The following MTM1 variants were observed in gnomAD, a reference collection of about 807,000 sequenced individuals.
MTM1 encodes the protein myotubularin 1, also known as myotubularin.
A neutral mutation model predicts 52.1 loss-of-function variants in MTM1; 9 were observed. That is an observed-to-expected ratio of 0.17 (90% CI 0.10 to 0.30). MTM1 has a LOEUF of 0.30. Ranked by LOEUF, MTM1 falls within the 10% of genes least tolerant of loss-of-function variation. The pLI is 1.00. For synonymous variants in MTM1, 136 were observed against 163.8 expected (o/e 0.83, Z 1.29); for missense variants, 277 against 470.7 (o/e 0.59, Z 3.81).
chrX:150,625,925 A>G (rs1219361953), intron 6 of MTM1, among the ~76,000 whole-genome samples: 1 of 112,548 alleles, frequency 8.9e-6, no homozygotes, highest in Non-Finnish European at 1.9e-5. Flanking sequence ...TGCTGTGGAG[A>G]CCAGCAGCCT....
At chrX:150,594,612 T>C (rs1569565381) in intron 2 of MTM1, among the ~76,000 whole-genome samples, 2 of 112,228 alleles carry the variant, frequency 1.8e-5, no homozygotes, top group Admixed American at 9.4e-5. Context: ...TATATGTTTT[T>C]ATTGTATTTA....
At chrX:150,635,189 A>C (rs1335261242) in intron 6 of MTM1, among the ~76,000 whole-genome samples, 1 of 112,599 alleles carries the variant, frequency 8.9e-6, no homozygotes, top group African/African-American at 3.2e-5. Flanking sequence ...CTCTGTCCTA[A>C]GACTTTGCTC....
intron 10 of MTM1, among the ~76,000 whole-genome samples, chrX:150,655,796 C>G (rs1350034125): frequency 1.8e-5 from 2 of 111,749 alleles, no homozygotes; most frequent in Non-Finnish European, 3.8e-5. Context: ...TGCAGGTGTT[C>G]TACAACTACA....
At position 150,592,674 on chromosome X, in the gene MTM1, G is replaced by A; in HGVS notation, c.60G>A (p.Lys20=). 8.8e-7 allele frequency: 1 copy of A among 1,142,393 alleles called. No individual in the cohort carries two copies. The highest frequency in any genetic ancestry group is 3.0e-5 in the East Asian group (1 of 33,592). 94.1% of individuals were successfully genotyped at this position (1,142,393 alleles called of 1,213,427 possible). A position where few individuals can be genotyped will look rare whatever the true frequency, so the allele number is the denominator to read the frequency against. ...ACTCCTTGGAGAATGAGTCTATTAA[G>A]AGGGTAAGTTGAATTTTCAGATTTA... ...NSHSLENESI[K]RTSRDGVNRD... The change falls in exon 2 of 15, where the codon AAG becomes AAA. Residue 20 remains lysine, a synonymous_variant. Coordinates refer to ENST00000370396, the MANE Select transcript of MTM1 (RefSeq NM_000252.3).
intron 14 of MTM1, among the ~76,000 whole-genome samples, chrX:150,666,405 A>G (rs1360417871): frequency 8.9e-6 from 1 of 112,628 alleles, no homozygotes; most frequent in Non-Finnish European, 1.9e-5. Flanking sequence ...TTCTGATGAT[A>G]CAGTCATGCC....
intron 6 of MTM1, among the ~76,000 whole-genome samples, chrX:150,637,818 C>CT (rs2039776220): frequency 8.9e-6 from 1 of 112,185 alleles, no homozygotes; most frequent in African/African-American, 3.2e-5. Context: ...GCAGGTGTGA[C>CT]TTACGTGGAG....
intron 14 of MTM1, among the ~76,000 whole-genome samples, chrX:150,671,043 A>T (rs2040387629): frequency 8.9e-6 from 1 of 111,857 alleles, no homozygotes; most frequent in African/African-American, 3.2e-5. Flanking sequence ...AAGTGTCACA[A>T]ATCTGCACAA....
chrX:150,608,860 C>T (rs782420509), intron 4 of MTM1, among the ~76,000 whole-genome samples: 3 of 110,591 alleles, frequency 2.7e-5, no homozygotes, highest in East Asian at 5.7e-4. Flanking sequence ...GATGAAGTCT[C>T]GCTCTTGTCC....
intron 6 of MTM1, among the ~76,000 whole-genome samples, chrX:150,630,185 C>T (rs992866288): frequency 1.4e-4 from 16 of 111,789 alleles, no homozygotes; most frequent in African/African-American, 5.2e-4. Flanking sequence ...CTCCGCCTCC[C>T]GGGTTCAAGC....
intron 1 of MTM1, among the ~76,000 whole-genome samples, chrX:150,592,200 A>G (rs1022782573): frequency 2.7e-5 from 3 of 112,392 alleles, no homozygotes; most frequent in Admixed American, 1.9e-4. Context: ...TTCTTTTTTC[A>G]TTCTGCTCGG....
intron 5 of MTM1, among the ~76,000 whole-genome samples, chrX:150,617,490 G>GT (rs1557413163): frequency 8.9e-6 from 1 of 112,382 alleles, no homozygotes; most frequent in East Asian, 2.8e-4. Context: ...ATATGAATGG[G>GT]TTGTTGGACT....
intron 4 of MTM1, among the ~76,000 whole-genome samples, chrX:150,614,073 G>A (rs907111558): frequency 8.9e-6 from 1 of 112,253 alleles, no homozygotes; most frequent in Non-Finnish European, 1.9e-5. Context: ...AAAAAGTGAT[G>A]AATTCTGCCT....
In MTM1 at chrX:150,651,561, A is replaced by G. The variant is rs368012495; in HGVS notation, c.1053+1660A>G. On this transcript the variant is annotated intron_variant, in intron 10 of 14. Transcript: ENST00000370396. ...TAAAAAAATGAAAGGCAAAATAAAA[A>G]TAAGATTTGATTGGGACCTTGGTCA... Among the ~76,000 whole-genome samples, 6 of 109,456 alleles carry G rather than the reference A, an allele frequency of 5.5e-5. No homozygotes were observed. In the East Asian group the frequency reaches 1.1e-3, roughly 21 times the overall value.
At chrX:150,653,239 G>T (rs996477697) in intron 10 of MTM1, among the ~76,000 whole-genome samples, 7 of 110,892 alleles carry the variant, frequency 6.3e-5, no homozygotes, top group African/African-American at 2.3e-4. Context: ...CCTTGAGTTG[G>T]ACCTTGAATA....
chrX:150,645,578 A>T (rs2039916476), intron 8 of MTM1, 105 bp from the exon 9 acceptor site: 3 of 747,508 alleles, frequency 4.0e-6, no homozygotes, highest in Non-Finnish European at 6.2e-6. Flanking sequence ...TAGCACAATC[A>T]GATTCACTTC....
At chrX:150,653,793 A>G (rs1261992034) in intron 10 of MTM1, among the ~76,000 whole-genome samples, 2 of 112,307 alleles carry the variant, frequency 1.8e-5, no homozygotes, top group Non-Finnish European at 1.9e-5. Context: ...GTCCTTTTCA[A>G]TACAATACTC....
chrX:150,616,309 C>T (rs1471281684), intron 5 of MTM1, among the ~76,000 whole-genome samples: 2 of 111,691 alleles, frequency 1.8e-5, no homozygotes, highest in African/African-American at 3.3e-5. Context: ...ACTAAATTGT[C>T]TCCCCAGAAA....
At chrX:150,599,697 G>A (rs2039037835) in intron 4 of MTM1, among the ~76,000 whole-genome samples, 3 of 111,766 alleles carry the variant, frequency 2.7e-5, no homozygotes, top group Admixed American at 1.9e-4. Context: ...AGCTGTGGGA[G>A]CCCACTTTTA....
intron 4 of MTM1, among the ~76,000 whole-genome samples, chrX:150,601,723 C>G (rs1210492836): frequency 8.9e-6 from 1 of 112,238 alleles, no homozygotes; most frequent in Non-Finnish European, 1.9e-5. Context: ...GCCCACGCCC[C>G]GTCTCCAGCG....
Sources: gnomAD v4.1 joint callset for allele counts (sites outside exome capture counted in the v4.1 genomes callset) on GRCh38, gnomAD v4.1.1 for gene constraint, MANE v1.5 for transcripts, NCBI Gene and HGNC (gene_info 2026-07-23, HGNC 2026-07-21) for gene names.